The following FSIP1 variants were observed in gnomAD, a reference collection of about 807,000 sequenced individuals.
The protein encoded by FSIP1 is fibrous sheath interacting protein 1.
A neutral mutation model predicts 60.9 loss-of-function variants in FSIP1; 65 were observed. The ratio of observed to expected loss-of-function variants is 1.07; its 90% CI spans 0.87 to 1.31. The LOEUF is 1.31. Ranked by LOEUF, FSIP1 falls within the 40% of genes most tolerant of loss-of-function variation. The pLI is 0.00. For synonymous variants in FSIP1, 209 were observed against 221.2 expected (o/e 0.94, Z 0.49); for missense variants, 675 against 665.5 (o/e 1.01, Z -0.16).
intron 11 of FSIP1, among the ~76,000 whole-genome samples, chr15:39,606,655 A>G (rs1477748363): frequency 1.3e-5 from 2 of 152,274 alleles, no homozygotes; most frequent in South Asian, 2.1e-4. Context: ...TGTTCACTCA[A>G]CAGGTCCAAC....
intron 10 of FSIP1, among the ~76,000 whole-genome samples, chr15:39,650,925 A>T (rs762961102): frequency 6.6e-6 from 1 of 152,208 alleles, no homozygotes; most frequent in Non-Finnish European, 1.5e-5. Context: ...TTTGGCTTTG[A>T]GTTAACACAG....
At chr15:39,732,698 A>G (rs1281370926) in intron 8 of FSIP1, among the ~76,000 whole-genome samples, 1 of 152,238 alleles carries the variant, frequency 6.6e-6, no homozygotes, top group East Asian at 1.9e-4. Flanking sequence ...GAATTAAAAC[A>G]TAATTATCAT....
intron 10 of FSIP1, among the ~76,000 whole-genome samples, chr15:39,652,345 T>G (rs1355446461): frequency 1.3e-5 from 2 of 152,222 alleles, no homozygotes; most frequent in East Asian, 3.8e-4. Flanking sequence ...GAGCAAGAAG[T>G]GATGTTTTGA....
chr15:39,671,641 G>A lies in FSIP1; in HGVS notation c.1188+41803C>T, dbSNP rs145921584. Among the ~76,000 whole-genome samples, 7 of 152,198 alleles carry A rather than the reference G, an allele frequency of 4.6e-5. No individual in the cohort carries two copies. The East Asian group carries it at 1.4e-3, about 29-fold the overall frequency. ...AGAGATCTCTTGTGCTTAGTCTGAG[G>A]GCAGTGGAGTCCTGCATTAATGCAT... On this transcript the variant is annotated intron_variant, in intron 10 of 11. Coordinates refer to ENST00000350221, the MANE Select transcript of FSIP1 (RefSeq NM_152597.5).
chr15:39,754,614 A>C (rs1162945239), intron 5 of FSIP1, among the ~76,000 whole-genome samples: 1 of 152,114 alleles, frequency 6.6e-6, no homozygotes, highest in Non-Finnish European at 1.5e-5. Flanking sequence ...GAAGAAGTGT[A>C]AAAGAACAAT....
At chr15:39,738,525 T>C (rs182010075) in intron 7 of FSIP1, among the ~76,000 whole-genome samples, 13 of 152,306 alleles carry the variant, frequency 8.5e-5, no homozygotes, top group African/African-American at 3.1e-4. Context: ...TGCTGAGACA[T>C]TTGGAAGAAA....
chr15:39,684,102 G>A lies in FSIP1; in HGVS notation c.1188+29342C>T, dbSNP rs542676173. On this transcript the variant is annotated intron_variant, in intron 10 of 11. Transcript: ENST00000350221. ...GACAAGCTGATTCTAAAATTTATAT[G>A]AAAAGACAGAAGAACTGGAATAACC... 1.4e-3 allele frequency among the ~76,000 whole-genome samples: 215 copies of A among 152,226 alleles called. 2 individuals carry two copies. Among genetic ancestry groups the A allele is most frequent in the African/African-American group, 4.8e-3 (198 of 41,550 alleles).
chr15:39,751,598 CA>C (rs201479053), intron 5 of FSIP1, among the ~76,000 whole-genome samples: 9 of 142,730 alleles, frequency 6.3e-5, no homozygotes, highest in Non-Finnish European at 6.2e-5. Flanking sequence ...ATGTGGAATC[CA>C]AAAAAAAAAG....
chr15:39,731,056 T>C (rs541629943), intron 8 of FSIP1, among the ~76,000 whole-genome samples: 1 of 152,206 alleles, frequency 6.6e-6, no homozygotes, highest in African/African-American at 2.4e-5. Context: ...AAAAAATTTA[T>C]TGTCACACTA....
At position 39,662,707 on chromosome 15, in the gene FSIP1, C is replaced by G. The variant is rs550021631; in HGVS notation, c.1189-44462G>C. Reference sequence around the variant, plus strand: ...CTAGACTGTAAGGTTAAGAAAAACCCACTAAGTCACTGAAAAAAAAAAAAA... The same window carrying G: ...CTAGACTGTAAGGTTAAGAAAAACCGACTAAGTCACTGAAAAAAAAAAAAA... On this transcript the variant is annotated intron_variant, in intron 10 of 11. Coordinates refer to ENST00000350221, the MANE Select transcript of FSIP1 (RefSeq NM_152597.5). Among the ~76,000 whole-genome samples, 4 of 116,544 alleles carry G rather than the reference C, an allele frequency of 3.4e-5. No homozygotes were observed. In the East Asian group the frequency reaches 8.4e-4, roughly 24 times the overall value. The allele number at this position is 116,544 out of a possible 152,430, so 76.5% of individuals were successfully genotyped here. A position where few individuals can be genotyped will look rare whatever the true frequency, so the allele number is the denominator to read the frequency against.
intron 10 of FSIP1, among the ~76,000 whole-genome samples, chr15:39,644,291 T>A (rs1892497568): frequency 6.6e-6 from 1 of 152,100 alleles, no homozygotes. Flanking sequence ...CCCGGCCGAG[T>A]GTGCCATGTC....
downstream of FSIP1, chr15:39,598,978 G>A (rs1297240028): frequency 2.0e-5 from 3 of 152,070 alleles, no homozygotes; most frequent in Non-Finnish European, 4.4e-5. Flanking sequence ...CTGGAGTGCA[G>A]TGACACAATC....
intron 11 of FSIP1, among the ~76,000 whole-genome samples, chr15:39,616,741 G>A (rs1881609576): frequency 6.6e-6 from 1 of 152,234 alleles, no homozygotes; most frequent in South Asian, 2.1e-4. Flanking sequence ...GCCATAGAAG[G>A]AAGTGTGGTT....
chr15:39,636,979 C>T (rs1334843148), intron 10 of FSIP1, among the ~76,000 whole-genome samples: 1 of 152,200 alleles, frequency 6.6e-6, no homozygotes, highest in Admixed American at 6.5e-5. Flanking sequence ...TTCAAGTCCT[C>T]ATTCCTATGC....
At chr15:39,766,669 G>A (rs1897700118) in intron 3 of FSIP1, among the ~76,000 whole-genome samples, 1 of 152,216 alleles carries the variant, frequency 6.6e-6, no homozygotes, top group Admixed American at 6.5e-5. Context: ...TAAATCTGAT[G>A]AAAGCTGATA....
intron 10 of FSIP1, among the ~76,000 whole-genome samples, chr15:39,651,412 A>G (rs993415875): frequency 6.6e-6 from 1 of 152,184 alleles, no homozygotes; most frequent in African/African-American, 2.4e-5. Flanking sequence ...TATTCTTTTA[A>G]CCATCTGTAA....
chr15:39,751,486 C>T (rs746201912), intron 5 of FSIP1, among the ~76,000 whole-genome samples: 23 of 150,290 alleles, frequency 1.5e-4, no homozygotes, highest in Non-Finnish European at 2.7e-4. Context: ...AAAAGGAGAA[C>T]CTGCCTTTTG....
At chr15:39,691,838 A>G (rs2631711) in intron 10 of FSIP1, among the ~76,000 whole-genome samples, 93,667 of 151,982 alleles carry the variant, frequency 0.62, 31,315 homozygotes, top group South Asian at 0.74. Flanking sequence ...TATCTTCTTT[A>G]TACTTCTTTC....
intron 11 of FSIP1, among the ~76,000 whole-genome samples, chr15:39,603,412 GA>G (rs1304291562): frequency 6.6e-6 from 1 of 152,200 alleles, no homozygotes; most frequent in African/African-American, 2.4e-5. Flanking sequence ...CTCACCAGGT[GA>G]TTCTAACATG....
Sources: allele counts gnomAD v4.1 joint callset (sites outside exome capture counted in the v4.1 genomes callset), GRCh38; gene constraint gnomAD v4.1.1; transcripts MANE v1.5; gene names NCBI Gene and HGNC (gene_info 2026-07-23, HGNC 2026-07-21).